The following CDK6 variants were observed in gnomAD, a reference collection of about 807,000 sequenced individuals.
CDK6 encodes cyclin-dependent kinase 6.
In CDK6, 6 loss-of-function variants were observed where a neutral mutation model predicts 37.1. The observed-to-expected ratio is 0.16, with a 90% CI of 0.09 to 0.32. The LOEUF (loss-of-function observed/expected upper bound fraction) is 0.32. CDK6 is among the 10% of genes least tolerant of loss of function. The pLI is 1.00. For missense variants in CDK6, 224 were observed against 418.9 expected (o/e 0.53, Z 4.06); for synonymous variants, 160 against 161.3 (o/e 0.99, Z 0.06).
At chr7:92,717,828 A>G (rs1783974645) in intron 4 of CDK6, among the ~76,000 whole-genome samples, 1 of 152,242 alleles carries the variant, frequency 6.6e-6, no homozygotes, top group African/African-American at 2.4e-5. Context: ...ATGCATGCAC[A>G]TGCACCAACA....
chr7:92,728,444 CTAA>C (rs1342400746), intron 3 of CDK6, among the ~76,000 whole-genome samples: 1 of 152,146 alleles, frequency 6.6e-6, no homozygotes, highest in Non-Finnish European at 1.5e-5. Context: ...CATTTTGCCA[CTAA>C]TAAAATTCTG....
At chr7:92,750,311 G>C (rs900796724) in intron 3 of CDK6, among the ~76,000 whole-genome samples, 4 of 151,980 alleles carry the variant, frequency 2.6e-5, no homozygotes, top group African/African-American at 9.7e-5. Flanking sequence ...GGAGAGGCTG[G>C]GCTACATATA....
intron 5 of CDK6, among the ~76,000 whole-genome samples, chr7:92,644,664 C>T (rs573747865): frequency 6.6e-6 from 1 of 152,290 alleles, no homozygotes; most frequent in East Asian, 1.9e-4. Flanking sequence ...TTTCCCAAGG[C>T]CTGGTCCACC....
intron 2 of CDK6, among the ~76,000 whole-genome samples, chr7:92,796,975 T>C (rs1800429700): frequency 6.6e-6 from 1 of 152,080 alleles, no homozygotes; most frequent in African/African-American, 2.4e-5. Flanking sequence ...AATGTGGGGA[T>C]GAGGATGATC....
chr7:92,815,732 A>G (rs1390940216), intron 2 of CDK6, among the ~76,000 whole-genome samples: 1 of 152,186 alleles, frequency 6.6e-6, no homozygotes, highest in Non-Finnish European at 1.5e-5. Context: ...AATTTGGAAG[A>G]CACAATACTG....
intron 4 of CDK6, among the ~76,000 whole-genome samples, chr7:92,683,281 T>C (rs1384256935): frequency 1.1e-4 from 16 of 152,210 alleles, no homozygotes; most frequent in Admixed American, 9.8e-4. Flanking sequence ...AATTGGGTTT[T>C]TCCTTGCTAT....
At chr7:92,710,824 G>A (rs1410309531) in intron 4 of CDK6, 7 of 985,328 alleles carry the variant, frequency 7.1e-6, no homozygotes, top group Non-Finnish European at 7.2e-6. Flanking sequence ...GACCCGGGCA[G>A]ACGGATGACT....
rs1485788003 is a variant in CDK6 at position 92,608,809 on chromosome 7, A to T, written c.*6331T>A. 8.6e-6 allele frequency: 2 copies of T among 231,820 alleles called. No homozygotes were observed. Among genetic ancestry groups the T allele is most frequent in the African/African-American group, 4.4e-5 (2 of 45,238 alleles). The allele number at this position is 231,820 out of a possible 1,614,324, so 14.4% of individuals were successfully genotyped here. ...CGCGGGGCCGCACATAATTTCAGGC[A>T]CCGGCAGGTGAGTGGGAGGCGGGGC... is the stretch of plus-strand genomic sequence containing the variant. On this transcript the variant is annotated 3_prime_UTR_variant, in exon 8 of 8. Coordinates refer to ENST00000424848, the MANE Select transcript of CDK6 (RefSeq NM_001145306.2).
rs747411819 is a variant in CDK6 at position 92,774,787 on chromosome 7, T to C, written c.278A>G (p.Lys93Arg). ...GACATGTTCAAACACTAAAGTTAGTTTGGTTTCTCTGTCTGTTCGTGACAC... is the reference window on the plus strand; with the variant it reads ...GACATGTTCAAACACTAAAGTTAGTCTGGTTTCTCTGTCTGTTCGTGACAC... ...CTVSRTDRET[K>R]LTLVFEHVDQ... The change falls in exon 3 of 8, where the codon AAA (lysine) becomes AGA (arginine). Residue 93 changes from lysine to arginine, a missense_variant. By Grantham distance (26) the Lys-to-Arg change is conservative. Around this residue, in one of 5 missense-constraint regions of CDK6, gnomAD observed 82 missense variants for 202.1 expected, o/e 0.41. Transcript: ENST00000424848. 2 of 1,612,904 alleles carry C rather than the reference T, an allele frequency of 1.2e-6. No homozygotes were observed. The highest frequency in any genetic ancestry group is 1.7e-6 in the Non-Finnish European group (2 of 1,179,606).
chr7:92,621,137 G>A (rs1795797435), intron 6 of CDK6, among the ~76,000 whole-genome samples: 1 of 152,168 alleles, frequency 6.6e-6, no homozygotes, highest in African/African-American at 2.4e-5. Context: ...TGGCAGTGAT[G>A]GAGGAGACAG....
chr7:92,790,355 C>G (rs1415697543), intron 2 of CDK6, among the ~76,000 whole-genome samples: 1 of 152,168 alleles, frequency 6.6e-6, no homozygotes, highest in East Asian at 1.9e-4. Flanking sequence ...CAGTTTTCTA[C>G]AAAGGGCCTT....
chr7:92,635,087 T>C (rs1175159965), intron 5 of CDK6, among the ~76,000 whole-genome samples: 1 of 152,198 alleles, frequency 6.6e-6, no homozygotes, highest in Non-Finnish European at 1.5e-5. Context: ...CTCATTGCAT[T>C]GGATCATCTT....
intron 3 of CDK6, among the ~76,000 whole-genome samples, chr7:92,728,724 T>C (rs1798571597): frequency 6.6e-6 from 1 of 152,356 alleles, no homozygotes; most frequent in East Asian, 1.9e-4. Context: ...TGGTTCTACA[T>C]AAGAATGACC....
At chr7:92,717,682 A>C (rs1305471362) in intron 4 of CDK6, among the ~76,000 whole-genome samples, 1 of 152,188 alleles carries the variant, frequency 6.6e-6, no homozygotes, top group African/African-American at 2.4e-5. Flanking sequence ...GTTTTTGTCC[A>C]GAACTAATTC....
chr7:92,728,469 T>C (rs1054596628), intron 3 of CDK6, among the ~76,000 whole-genome samples: 3 of 152,238 alleles, frequency 2.0e-5, no homozygotes, highest in African/African-American at 7.2e-5. Context: ...AATATGACTT[T>C]TTTTATACAA....
chr7:92,615,498 C>A (rs2116478502), intron 7 of CDK6, among the ~76,000 whole-genome samples: 1 of 152,200 alleles, frequency 6.6e-6, no homozygotes, highest in South Asian at 2.1e-4. Context: ...CTTTTGGGTG[C>A]CTATGGACTG....
intron 2 of CDK6, among the ~76,000 whole-genome samples, chr7:92,794,966 A>G (rs1022015010): frequency 2.0e-5 from 3 of 152,110 alleles, no homozygotes; most frequent in South Asian, 2.1e-4. Context: ...GTTTTGCTCA[A>G]TTAAAGTAGG....
intron 5 of CDK6, among the ~76,000 whole-genome samples, chr7:92,625,219 AACACACAC>A (rs71699291): frequency 1.5e-3 from 215 of 141,984 alleles, no homozygotes; most frequent in African/African-American, 4.8e-3. Context: ...GTGGTAACTA[AACACACAC>A]ACACACACAC....
chr7:92,692,860 A>AT (rs974750520), intron 4 of CDK6, among the ~76,000 whole-genome samples: 9 of 152,202 alleles, frequency 5.9e-5, no homozygotes, highest in Non-Finnish European at 8.8e-5. Flanking sequence ...CAATAAATTC[A>AT]TTTTTTAACA....
Sources: allele counts gnomAD v4.1 joint callset (sites outside exome capture counted in the v4.1 genomes callset), GRCh38; gene constraint gnomAD v4.1.1; regional missense constraint gnomAD v4.1.1; transcripts MANE v1.5; gene names NCBI Gene and HGNC (gene_info 2026-07-23, HGNC 2026-07-21).